The following ENOX2 variants were observed in gnomAD, a reference collection of about 807,000 sequenced individuals.
ENOX2 encodes the protein APK1 antigen.
ENOX2 carries 36 observed loss-of-function variants against 45.0 expected under a neutral mutation model. That is an observed-to-expected ratio of 0.80 (90% CI 0.61 to 1.06). ENOX2 has a LOEUF of 1.06. Ranked by LOEUF, ENOX2 falls within the 50% of genes least tolerant of loss-of-function variation. The pLI is 0.00. For synonymous variants in ENOX2, 174 were observed against 152.3 expected, an observed-to-expected ratio of 1.14 and a Z score of -1.05; for missense variants, 423 against 462.5, an observed-to-expected ratio of 0.91 and a Z score of 0.78.
At chrX:130,864,384 C>T (rs947334106) in intron 2 of ENOX2, among the ~76,000 whole-genome samples, 6 of 110,897 alleles carry the variant, frequency 5.4e-5, no homozygotes, top group Non-Finnish European at 7.5e-5. Flanking sequence ...GTCAAGCCTT[C>T]GGATTCAACC....
Position 130,667,564 on chromosome X carries a change from C to T in ENOX2, c.873G>A (p.Lys291=). Residue 291 remains lysine (K), a synonymous_variant, in exon 8 of 15, where the codon AAG becomes AAA. Coordinates refer to ENST00000394363, the MANE Select transcript of ENOX2 (RefSeq NM_006375.4). ...HEKDMEEAKE[K]FKQALSGILI... ...GAATTCCAGAAAGGGCCTGCTTGAA[C>T]TTCTCCTTTGCTTCTTCCATATCTT... is the stretch of plus-strand genomic sequence containing the variant. 1 of 1,211,424 alleles carries T rather than the reference C, an allele frequency of 8.3e-7. No homozygotes were observed. Among genetic ancestry groups the T allele is most frequent in the Non-Finnish European group, 1.1e-6 (1 of 895,312 alleles).
intron 3 of ENOX2, among the ~76,000 whole-genome samples, chrX:130,745,702 C>T (rs1415809214): frequency 1.8e-5 from 2 of 112,071 alleles, no homozygotes; most frequent in African/African-American, 6.5e-5. Context: ...TTTATGAAGA[C>T]CCAGAGAAAG....
At chrX:130,840,049 A>C (rs1017218735) in intron 2 of ENOX2, among the ~76,000 whole-genome samples, 2 of 110,959 alleles carry the variant, frequency 1.8e-5, no homozygotes, top group African/African-American at 6.5e-5. Context: ...CTGTCTCTCC[A>C]TTTCTATAAA....
chrX:130,846,067 CAT>C (rs1213811697), intron 2 of ENOX2, among the ~76,000 whole-genome samples: 1 of 111,223 alleles, frequency 9.0e-6, no homozygotes, highest in Admixed American at 9.6e-5. Context: ...TATAGTATAA[CAT>C]ATGATAGCCA....
At chrX:130,819,418 C>T (rs185198781) in intron 2 of ENOX2, among the ~76,000 whole-genome samples, 18 of 111,996 alleles carry the variant, frequency 1.6e-4, no homozygotes, top group South Asian at 3.8e-4. Context: ...ATAAAACACA[C>T]GCACACGTAT....
chrX:130,837,483 C>A (rs1055452405), intron 2 of ENOX2, among the ~76,000 whole-genome samples: 22 of 111,911 alleles, frequency 2.0e-4, no homozygotes, highest in African/African-American at 6.8e-4. Context: ...TAACCTTGAT[C>A]CCAGTAAAAG....
At chrX:130,833,011 TCA>T (rs10568834) in intron 2 of ENOX2, among the ~76,000 whole-genome samples, 19,865 of 82,478 alleles carry the variant, frequency 0.24, 2,196 homozygotes, top group African/African-American at 0.4. Context: ...TCATGTATAA[TCA>T]CACACACACA....
chrX:130,703,512 TTC>T lies in ENOX2; in HGVS notation c.-38-260_-38-259del, dbSNP rs59009662. On this transcript the variant is annotated intron_variant, in intron 3 of 14. Coordinates refer to ENST00000394363, the MANE Select transcript of ENOX2 (RefSeq NM_006375.4). ...TTCCTTCCTTCTCTCCCTTTCTTCC[TTC>T]TCTCTCTCTCTCTCTCTCTCTCTTT... 8.9e-3 allele frequency among the ~76,000 whole-genome samples: 931 copies of T among 104,466 alleles called. 10 individuals carry two copies. Among genetic ancestry groups the T allele is most frequent in the African/African-American group, 0.025 (708 of 28,752 alleles). The allele number at this position is 104,466 out of a possible 115,157, so 90.7% of individuals were successfully genotyped here. A position where few individuals can be genotyped will look rare whatever the true frequency, so the allele number is the denominator to read the frequency against.
At chrX:130,634,553 T>C (rs1007853795) in intron 12 of ENOX2, among the ~76,000 whole-genome samples, 5 of 111,994 alleles carry the variant, frequency 4.5e-5, no homozygotes, top group Non-Finnish European at 9.4e-5. Flanking sequence ...ATTATTACAC[T>C]AAATTGACTA....
intron 2 of ENOX2, among the ~76,000 whole-genome samples, chrX:130,799,208 T>C (rs768168105): frequency 2.7e-5 from 3 of 111,635 alleles, no homozygotes; most frequent in South Asian, 7.9e-4. Flanking sequence ...ACTGGCTGAG[T>C]CTTCTGGTCT....
chrX:130,736,317 C>T (rs1256230786), intron 3 of ENOX2, among the ~76,000 whole-genome samples: 2 of 109,805 alleles, frequency 1.8e-5, no homozygotes, highest in Non-Finnish European at 3.8e-5. Flanking sequence ...CAAGATTGTG[C>T]CACCACACTC....
chrX:130,745,126 G>T (rs754140385), intron 3 of ENOX2, among the ~76,000 whole-genome samples: 20 of 111,630 alleles, frequency 1.8e-4, no homozygotes, highest in African/African-American at 6.2e-4. Flanking sequence ...AGATTGAAGA[G>T]TATTACCACA....
chrX:130,633,358 C>T lies in ENOX2; in HGVS notation c.1419+1626G>A, dbSNP rs941098024. ...ACTTTGCTTCCTAACCTAATTGTGT[C>T]AGGTTGAAATATTTGGTCACAAATC... On this transcript the variant is annotated intron_variant, in intron 12 of 14. Transcript: ENST00000394363. 8.0e-5 allele frequency among the ~76,000 whole-genome samples: 9 copies of T among 112,563 alleles called. No homozygotes were observed. The Admixed American group carries it at 8.5e-4, about 11-fold the overall frequency.
rs775014174 is a variant in ENOX2, at chrX:130,796,778, C to A, written c.-182-13088G>T. Among the ~76,000 whole-genome samples the A allele has an allele frequency of 4.9e-4, 55 of 111,852 alleles. 2 individuals carry two copies. The South Asian group carries it at 0.02, about 41-fold the overall frequency. Reference sequence around the variant, plus strand: ...ATCTTAACATTTTAATAACAGTATTCTTTTTGTTATTATAGTCTGTTGGAT... The same window carrying A: ...ATCTTAACATTTTAATAACAGTATTATTTTTGTTATTATAGTCTGTTGGAT... On this transcript the variant is annotated intron_variant, in intron 2 of 14. Transcript: ENST00000394363.
chrX:130,664,085 C>T (rs1006687649), intron 9 of ENOX2, among the ~76,000 whole-genome samples: 1 of 111,989 alleles, frequency 8.9e-6, no homozygotes, highest in Non-Finnish European at 1.9e-5. Flanking sequence ...ATGCTATTGG[C>T]TATTTGTGAC....
intron 3 of ENOX2, among the ~76,000 whole-genome samples, chrX:130,773,074 T>C (rs2039777932): frequency 8.9e-6 from 1 of 112,442 alleles, no homozygotes; most frequent in African/African-American, 3.2e-5. Flanking sequence ...CAGAATTGGA[T>C]TCTGTCTCAT....
intron 2 of ENOX2, among the ~76,000 whole-genome samples, chrX:130,893,031 G>C (rs966469071): frequency 9.0e-6 from 1 of 111,716 alleles, no homozygotes; most frequent in Non-Finnish European, 1.9e-5. Flanking sequence ...GAAAAGGAGA[G>C]GGGGAAAGGG....
chrX:130,895,071 G>A (rs1305939432), intron 2 of ENOX2, among the ~76,000 whole-genome samples: 1 of 111,629 alleles, frequency 9.0e-6, no homozygotes, highest in Non-Finnish European at 1.9e-5. Flanking sequence ...TACGATCACT[G>A]GTTTGAGTGT....
chrX:130,687,150 T>C (rs2148176266), intron 5 of ENOX2, among the ~76,000 whole-genome samples: 1 of 112,409 alleles, frequency 8.9e-6, no homozygotes, highest in South Asian at 3.8e-4. Context: ...ATTTGAAGAC[T>C]GCTCAACAAT....
Sources: gnomAD v4.1 joint callset for allele counts (sites outside exome capture counted in the v4.1 genomes callset) on GRCh38, gnomAD v4.1.1 for gene constraint, MANE v1.5 for transcripts, NCBI Gene and HGNC (gene_info 2026-07-23, HGNC 2026-07-21) for gene names.